SAMD12: variants seen among roughly 807,000 people sequenced by gnomAD.
SAMD12 encodes sterile alpha motif domain containing 12.
In SAMD12, 9 loss-of-function variants were observed where a neutral mutation model predicts 15.0. The observed-to-expected ratio is 0.60, with a 90% CI of 0.36 to 1.05. SAMD12 has a LOEUF of 1.05. SAMD12 is among the 50% of genes least tolerant of loss of function. SAMD12 has a pLI of 0.01. For synonymous variants in SAMD12, 86 were observed against 90.1 expected (o/e 0.96, Z 0.25); for missense variants, 230 against 234.2 (o/e 0.98, Z 0.12).
intron 1 of SAMD12, among the ~76,000 whole-genome samples, chr8:118,582,311 G>T (rs1827315500): frequency 6.6e-6 from 1 of 152,126 alleles, no homozygotes; most frequent in African/African-American, 2.4e-5. Context: ...GTCTTCGCAA[G>T]TTACACAGAA....
At chr8:118,209,042 A>C (rs1389216332) in intron 4 of SAMD12, among the ~76,000 whole-genome samples, 1 of 152,204 alleles carries the variant, frequency 6.6e-6, no homozygotes, top group African/African-American at 2.4e-5. Flanking sequence ...AACCTCTTTG[A>C]ATTGGCAAAA....
At chr8:118,172,376 A>G in the SAMD12 span, among the ~76,000 whole-genome samples, 2 of 152,364 alleles carry the variant, frequency 1.3e-5, no homozygotes, top group South Asian at 4.1e-4. Context: ...CTTTATAGTC[A>G]GTTTCCTCAG....
intron 4 of SAMD12, among the ~76,000 whole-genome samples, chr8:118,314,162 A>G (rs981020956): frequency 2.0e-5 from 3 of 152,126 alleles, no homozygotes; most frequent in African/African-American, 7.2e-5. Context: ...CTGCTAAACT[A>G]TTTTAATTCA....
intron 2 of SAMD12, 104 bp from the exon 3 acceptor site, chr8:118,440,065 G>A: frequency 9.0e-7 from 1 of 1,113,042 alleles, no homozygotes; most frequent in Non-Finnish European, 1.3e-6. Context: ...TGGATTCCCT[G>A]AAGATAAATA....
intron 4 of SAMD12, among the ~76,000 whole-genome samples, chr8:118,370,751 A>C (rs969686008): frequency 3.9e-5 from 6 of 152,090 alleles, no homozygotes; most frequent in Non-Finnish European, 8.8e-5. Context: ...CCATGGACAC[A>C]GGGAGGGGAA....
chr8:118,290,738 AG>A (rs1732698054), intron 4 of SAMD12, among the ~76,000 whole-genome samples: 1 of 152,222 alleles, frequency 6.6e-6, no homozygotes, highest in African/African-American at 2.4e-5. Flanking sequence ...TAAAACTCAT[AG>A]GGAAACTAAG....
exon 5 of SAMD12, chr8:118,192,746 A>G (rs1156699739): frequency 3.9e-5 from 6 of 152,228 alleles, no homozygotes; most frequent in Non-Finnish European, 8.8e-5. Flanking sequence ...ATCAGAAATA[A>G]TGTCTAAATA....
intron 3 of SAMD12, among the ~76,000 whole-genome samples, chr8:118,397,331 G>A (rs1466749409): frequency 4.6e-5 from 7 of 152,114 alleles, no homozygotes; most frequent in African/African-American, 1.4e-4. Flanking sequence ...CCCAAGGGGC[G>A]ACAAGAGACA....
intron 2 of SAMD12, among the ~76,000 whole-genome samples, chr8:118,554,204 A>G (rs544913341): frequency 6.6e-6 from 1 of 152,316 alleles, no homozygotes; most frequent in East Asian, 1.9e-4. Flanking sequence ...AAGGCCTATA[A>G]ATCAGGCTGC....
At chr8:118,331,560 C>G (rs979205028) in intron 4 of SAMD12, among the ~76,000 whole-genome samples, 3 of 152,142 alleles carry the variant, frequency 2.0e-5, no homozygotes, top group Non-Finnish European at 4.4e-5. Context: ...TCAGCCCAAG[C>G]TGTCCATAGT....
chr8:118,323,501 C>T (rs1816401560), intron 4 of SAMD12, among the ~76,000 whole-genome samples: 1 of 152,106 alleles, frequency 6.6e-6, no homozygotes, highest in Non-Finnish European at 1.5e-5. Flanking sequence ...GTGGCTGATT[C>T]CTGTAATCCC....
rs554796074 is a variant in SAMD12 at position 118,309,384 on chromosome 8, G to A, written c.433+70176C>T. 1.0e-4 allele frequency among the ~76,000 whole-genome samples: 15 copies of A among 148,888 alleles called. No homozygotes were observed. In the East Asian group the frequency reaches 2.3e-3, roughly 23 times the overall value. On this transcript the variant is annotated intron_variant, in intron 4 of 4. Transcript: ENST00000409003. ...ATATATATATTTGAGATATATATGT[G>A]TGTGTGTGTGTGTGTGTGTGTGTAT...
the SAMD12 span, among the ~76,000 whole-genome samples, chr8:118,140,316 G>T: frequency 6.6e-6 from 1 of 151,718 alleles, no homozygotes; most frequent in African/African-American, 2.4e-5. Flanking sequence ...CTGTTGCCCA[G>T]ACTGGAGTAG....
At chr8:118,169,245 C>T in the SAMD12 span, among the ~76,000 whole-genome samples, 3 of 152,258 alleles carry the variant, frequency 2.0e-5, no homozygotes, top group Non-Finnish European at 4.4e-5. Flanking sequence ...AAACTAACCA[C>T]AGACAGATTA....
intron 2 of SAMD12, among the ~76,000 whole-genome samples, chr8:118,470,380 T>G (rs1586743420): frequency 1.3e-5 from 2 of 152,316 alleles, no homozygotes; most frequent in South Asian, 4.1e-4. Flanking sequence ...TGGACTAAAC[T>G]TAGCTGCTTT....
exon 5 of SAMD12, chr8:118,192,525 G>A (rs1305014583): frequency 6.6e-6 from 1 of 152,122 alleles, no homozygotes; most frequent in African/African-American, 2.4e-5. Context: ...TTAATACTCT[G>A]CACATGAGGC....
At chr8:118,183,113 C>G in the SAMD12 span, among the ~76,000 whole-genome samples, 1 of 152,212 alleles carries the variant, frequency 6.6e-6, no homozygotes, top group African/African-American at 2.4e-5. Context: ...TCCATGAAGA[C>G]TGGACTTTGT....
intron 4 of SAMD12, among the ~76,000 whole-genome samples, chr8:118,263,787 T>TGC (rs1813137853): frequency 1.3e-5 from 2 of 152,064 alleles, no homozygotes; most frequent in Non-Finnish European, 1.5e-5. Flanking sequence ...TAGGCAGCTC[T>TGC]AGTGATGTGG....
intron 3 of SAMD12, among the ~76,000 whole-genome samples, chr8:118,431,687 CGTGTGTGTGT>C (rs56898456): frequency 1.9e-3 from 282 of 147,468 alleles, no homozygotes; most frequent in Middle Eastern, 6.9e-3. Context: ...TTACCTTTGT[CGTGTGTGTGT>C]GTGTGTGTGT....
Sources: allele counts gnomAD v4.1 joint callset (sites outside exome capture counted in the v4.1 genomes callset), GRCh38; gene constraint gnomAD v4.1.1; transcripts MANE v1.5; gene names NCBI Gene and HGNC (gene_info 2026-07-23, HGNC 2026-07-21).